MAD1L1: variants seen among roughly 807,000 people sequenced by gnomAD.
The protein encoded by MAD1L1 is mitotic arrest deficient 1 like 1.
Under a neutral mutation model 96.9 loss-of-function variants are expected in MAD1L1, and 95 were observed. That is an observed-to-expected ratio of 0.98 (90% CI 0.83 to 1.16). The LOEUF (loss-of-function observed/expected upper bound fraction) is 1.16, where lower values mean the gene tolerates loss of function less well. Among genes scored for constraint, MAD1L1 ranks in the 50% most tolerant of loss-of-function variants. The probability of loss-of-function intolerance (pLI) is 0.00; values close to 1 mark genes in which losing one functional copy is unlikely to be tolerated. For synonymous variants in MAD1L1, 473 were observed against 396.6 expected, an observed-to-expected ratio of 1.19 and a Z score of -2.29; for missense variants, 1,007 against 954.4, an observed-to-expected ratio of 1.06 and a Z score of -0.73.
At chr7:1,872,950 C>G (rs763597687) in intron 18 of MAD1L1, among the ~76,000 whole-genome samples, 1 of 152,168 alleles carries the variant, frequency 6.6e-6, no homozygotes, top group Admixed American at 6.5e-5. Context: ...GAAACTGTCA[C>G]GGAGAGAGAG....
intron 11 of MAD1L1, among the ~76,000 whole-genome samples, chr7:2,077,190 C>T (rs867221034): frequency 3.6e-4 from 55 of 152,160 alleles, no homozygotes; most frequent in African/African-American, 1.2e-3. Context: ...TAAACACAGC[C>T]GCATGCACGG....
At chr7:1,921,251 A>G (rs1464541) in intron 17 of MAD1L1, among the ~76,000 whole-genome samples, 51,705 of 152,164 alleles carry the variant, frequency 0.34, 9,036 homozygotes, top group Middle Eastern at 0.42. Context: ...AGATTAACCT[A>G]TAACTTCAGT....
chr7:2,101,908 T>G (rs1488388572), intron 11 of MAD1L1, among the ~76,000 whole-genome samples: 1 of 151,340 alleles, frequency 6.6e-6, no homozygotes, highest in Non-Finnish European at 1.5e-5. Flanking sequence ...GAAGGAGGAG[T>G]GCAGTCCAGT....
Position 2,222,568 on chromosome 7 carries a change from C to T in MAD1L1, c.471+7G>A, listed in dbSNP as rs777545265. 34 of 1,587,098 alleles carry T rather than the reference C, an allele frequency of 2.1e-5. No individual in the cohort carries two copies. The highest frequency in any genetic ancestry group is 3.5e-5 in the Admixed American group (2 of 57,310). On this transcript the variant is annotated splice_region_variant and intron_variant, in intron 5 of 18. Coordinates refer to ENST00000265854, the MANE Select transcript of MAD1L1 (RefSeq NM_001013836.2). ...ACAGCTCCCTGCGCAGCAGAGGCCCCGCTCACCTCGCCAGCCTGGGCCAGA... is the reference window on the plus strand; with the variant it reads ...ACAGCTCCCTGCGCAGCAGAGGCCCTGCTCACCTCGCCAGCCTGGGCCAGA...
In MAD1L1 at chr7:1,957,693, T is replaced by C; in HGVS notation, c.1532A>G (p.Glu511Gly). The stretch of plus-strand genomic sequence containing the variant: ...CTTTTCCTCCTCCAGCCGACTCCGC[T>C]CGCCTTCCAGCTCCTCGACCTTCAA... ...LRLKVEELEG[E>G]RSRLEEEKRM... Residue 511 changes from glutamate to glycine, a missense_variant, in exon 16 of 19, where the codon GAG (glutamate) becomes GGG (glycine). Physicochemically the swap from Glu to Gly is moderately conservative, Grantham distance 98. Coordinates refer to ENST00000265854, the MANE Select transcript of MAD1L1 (RefSeq NM_001013836.2). The C allele has an allele frequency of 1.2e-6, 2 of 1,614,064 alleles. No individual in the cohort carries two copies. Among genetic ancestry groups the C allele is most frequent in the Admixed American group, 1.7e-5 (1 of 60,024 alleles).
At chr7:1,915,524 T>C (rs929823408) in intron 17 of MAD1L1, among the ~76,000 whole-genome samples, 3 of 152,270 alleles carry the variant, frequency 2.0e-5, no homozygotes, top group African/African-American at 7.2e-5. Context: ...CGTGGAGCGG[T>C]GTTCCACGGC....
At chr7:1,903,635 G>C (rs1287056122) in intron 17 of MAD1L1, among the ~76,000 whole-genome samples, 2 of 142,796 alleles carry the variant, frequency 1.4e-5, no homozygotes, top group African/African-American at 2.8e-5. Context: ...CATGATTGAT[G>C]AAGCACTGTT....
At chr7:1,901,717 C>T (rs1405130262) in intron 17 of MAD1L1, among the ~76,000 whole-genome samples, 1 of 152,188 alleles carries the variant, frequency 6.6e-6, no homozygotes, top group Non-Finnish European at 1.5e-5. Context: ...ACCTCCAGGG[C>T]TACCCCAGGC....
intron 10 of MAD1L1, among the ~76,000 whole-genome samples, chr7:2,201,584 A>T (rs893584694): frequency 6.6e-6 from 1 of 152,210 alleles, no homozygotes; most frequent in African/African-American, 2.4e-5. Flanking sequence ...TAGACTTTTT[A>T]AAATCAATTT....
chr7:1,894,538 C>T (rs1786746391), intron 18 of MAD1L1, among the ~76,000 whole-genome samples: 1 of 152,188 alleles, frequency 6.6e-6, no homozygotes, highest in Admixed American at 6.5e-5. Context: ...AAGTGAGCCA[C>T]AGTTACTTCT....
chr7:2,115,627 G>A (rs1252052956), intron 11 of MAD1L1, among the ~76,000 whole-genome samples: 9 of 152,256 alleles, frequency 5.9e-5, no homozygotes, highest in Admixed American at 2.6e-4. Context: ...GGTCACAGGA[G>A]GCTGGATAGA....
At chr7:2,003,940 C>T (rs1002792556) in intron 13 of MAD1L1, among the ~76,000 whole-genome samples, 6 of 152,212 alleles carry the variant, frequency 3.9e-5, no homozygotes, top group African/African-American at 9.6e-5. Flanking sequence ...GGACTGGGAA[C>T]GGCAGATGGA....
At chr7:2,116,615 G>A (rs1038801152) in intron 11 of MAD1L1, among the ~76,000 whole-genome samples, 1 of 151,692 alleles carries the variant, frequency 6.6e-6, no homozygotes, top group Admixed American at 6.6e-5. Context: ...AGGAGGTGGC[G>A]GTCAGCGGAA....
chr7:2,128,553 C>T (rs572670540), intron 11 of MAD1L1, among the ~76,000 whole-genome samples: 3 of 152,362 alleles, frequency 2.0e-5, no homozygotes, highest in East Asian at 1.9e-4. Flanking sequence ...GGAGTCCCTA[C>T]ACCCAGAGGC....
intron 11 of MAD1L1, among the ~76,000 whole-genome samples, chr7:2,085,339 C>T (rs1280830354): frequency 2.0e-5 from 3 of 152,208 alleles, no homozygotes; most frequent in Non-Finnish European, 4.4e-5. Context: ...CCCACCTCAC[C>T]GTGTGGTCTG....
At chr7:2,096,871 C>T in intron 11 of MAD1L1, among the ~76,000 whole-genome samples, 1 of 152,274 alleles carries the variant, frequency 6.6e-6, no homozygotes, top group South Asian at 2.1e-4. Context: ...CAGGCGTGGG[C>T]CCCACCCTCA....
At chr7:2,122,126 T>C (rs2128561783) in intron 11 of MAD1L1, among the ~76,000 whole-genome samples, 1 of 152,260 alleles carries the variant, frequency 6.6e-6, no homozygotes, top group South Asian at 2.1e-4. Context: ...CTGTCTCATG[T>C]CATCCACAGA....
rs887380666 is a variant in MAD1L1, at chr7:1,882,773, C to T, written c.1998+15427G>A. Among the ~76,000 whole-genome samples, 11 of 152,248 alleles carry T rather than the reference C, an allele frequency of 7.2e-5. No individual in the cohort carries two copies. In the South Asian group the frequency reaches 1.4e-3, roughly 20 times the overall value. ...CCCCCCTTCCCACCGCTGGGGTCCA[C>T]ACCCAGGCCTGCCCTCCATCACCAG... is the stretch of plus-strand genomic sequence containing the variant. On this transcript the variant is annotated intron_variant, in intron 18 of 18. Coordinates refer to ENST00000265854, the MANE Select transcript of MAD1L1 (RefSeq NM_001013836.2).
chr7:2,043,755 AG>A (rs1288097242), intron 12 of MAD1L1, among the ~76,000 whole-genome samples: 2 of 152,224 alleles, frequency 1.3e-5, no homozygotes, highest in African/African-American at 4.8e-5. Context: ...GCCTCCTGCC[AG>A]GCCCCAGGGA....
Sources: gnomAD v4.1 joint callset for allele counts (sites outside exome capture counted in the v4.1 genomes callset) on GRCh38, gnomAD v4.1.1 for gene constraint, MANE v1.5 for transcripts, NCBI Gene and HGNC (gene_info 2026-07-23, HGNC 2026-07-21) for gene names.